PDGFD: variants seen among roughly 807,000 people sequenced by gnomAD.
PDGFD encodes platelet-derived growth factor D.
Under a neutral mutation model 44.7 loss-of-function variants are expected in PDGFD, and 30 were observed. The ratio of observed to expected loss-of-function variants is 0.67; its 90% CI spans 0.50 to 0.91. The LOEUF (loss-of-function observed/expected upper bound fraction) is 0.91. Ranked by LOEUF, PDGFD falls within the 40% of genes least tolerant of loss-of-function variation. The pLI is 0.00. For missense variants in PDGFD, 445 were observed against 457.8 expected (o/e 0.97, Z 0.25); for synonymous variants, 173 against 168.4 (o/e 1.03, Z -0.21).
At chr11:104,014,294 G>T (rs1473375455) in intron 1 of PDGFD, among the ~76,000 whole-genome samples, 1 of 152,260 alleles carries the variant, frequency 6.6e-6, no homozygotes, top group Admixed American at 6.5e-5. Flanking sequence ...CTAGGAGTTC[G>T]AGACTAGCCT....
At position 104,094,189 on chromosome 11, in the gene PDGFD, C is replaced by T. The variant is rs148512011; in HGVS notation, c.124+69615G>A. On this transcript the variant is annotated intron_variant, in intron 1 of 6. Transcript: ENST00000393158. Reference sequence around the variant, plus strand: ...CTCTCTATCTTGATACCCTAGCTTTCGTGGCCATCGTATCAGCACATCTTC... The same window carrying T: ...CTCTCTATCTTGATACCCTAGCTTTTGTGGCCATCGTATCAGCACATCTTC... Among the ~76,000 whole-genome samples, 983 of 152,098 alleles carry T rather than the reference C, an allele frequency of 6.5e-3. 5 individuals are homozygous for T. Among genetic ancestry groups the T allele is most frequent in the African/African-American group, 0.022 (912 of 41,482 alleles).
chr11:103,956,806 T>C (rs1031866103), intron 3 of PDGFD, among the ~76,000 whole-genome samples: 3 of 152,326 alleles, frequency 2.0e-5, no homozygotes, highest in South Asian at 2.1e-4. Context: ...ATTTCTCTGA[T>C]GGCCAGTGAT....
At chr11:103,927,718 G>C (rs1276804705) in intron 5 of PDGFD, among the ~76,000 whole-genome samples, 2 of 152,138 alleles carry the variant, frequency 1.3e-5, no homozygotes, top group African/African-American at 4.8e-5. Context: ...TTGTGCACTG[G>C]GTCCTAGATG....
rs1016603868 is a variant in PDGFD at position 104,054,018 on chromosome 11, C to G, written c.125-53763G>C. On this transcript the variant is annotated intron_variant, in intron 1 of 6. Transcript: ENST00000393158. ...AACAAAGAGGCATGTCATTTTTTCC[C>G]AAGATAAACTTGCTGGAAGCCCACA... is the stretch of plus-strand genomic sequence containing the variant. Among the ~76,000 whole-genome samples the G allele has an allele frequency of 1.3e-5, 2 of 152,106 alleles. 1 individual carries two copies. Among genetic ancestry groups the G allele is most frequent in the Admixed American group, 1.3e-4 (2 of 15,278 alleles).
chr11:104,110,336 T>TA (rs901004408), intron 1 of PDGFD, among the ~76,000 whole-genome samples: 14 of 149,388 alleles, frequency 9.4e-5, no homozygotes, highest in Admixed American at 2.7e-4. Context: ...AATTGAGATT[T>TA]AAAAAAAAAA....
intron 1 of PDGFD, chr11:104,036,480 T>G: frequency 7.3e-6 from 2 of 274,838 alleles, no homozygotes; most frequent in Non-Finnish European, 1.4e-5. Flanking sequence ...TTTCATATCA[T>G]GTGTTAAATA....
intron 1 of PDGFD, among the ~76,000 whole-genome samples, chr11:104,047,852 G>A (rs193056172): frequency 2.6e-5 from 4 of 152,036 alleles, no homozygotes; most frequent in Admixed American, 2.0e-4. Flanking sequence ...TCCTTTAGTC[G>A]AGCCACCATG....
intron 3 of PDGFD, among the ~76,000 whole-genome samples, chr11:103,953,064 T>C (rs969917255): frequency 1.3e-5 from 2 of 152,142 alleles, no homozygotes; most frequent in African/African-American, 4.8e-5. Flanking sequence ...TATGTAAGTG[T>C]AGTGTGGAAG....
At chr11:104,095,398 C>G (rs1208793508) in intron 1 of PDGFD, among the ~76,000 whole-genome samples, 1 of 152,050 alleles carries the variant, frequency 6.6e-6, no homozygotes, top group East Asian at 1.9e-4. Context: ...ACCACTCATT[C>G]CACTGAAGTA....
intron 1 of PDGFD, among the ~76,000 whole-genome samples, chr11:104,079,506 G>C (rs942439966): frequency 2.0e-5 from 3 of 152,074 alleles, no homozygotes; most frequent in Admixed American, 6.6e-5. Flanking sequence ...TCCTGCCTCA[G>C]CCTCCCAAGT....
At chr11:104,090,420 G>C (rs1478948729) in intron 1 of PDGFD, among the ~76,000 whole-genome samples, 1 of 149,892 alleles carries the variant, frequency 6.7e-6, no homozygotes, top group East Asian at 2.0e-4. Flanking sequence ...AGGAGTTCAA[G>C]ACCAGCCTGA....
chr11:104,018,333 A>T (rs1256904155), intron 1 of PDGFD, among the ~76,000 whole-genome samples: 1 of 152,188 alleles, frequency 6.6e-6, no homozygotes, highest in Non-Finnish European at 1.5e-5. Flanking sequence ...AGTAAACAGA[A>T]CTGAAGAAGT....
chr11:104,134,576 G>T (rs1344334717), intron 1 of PDGFD, among the ~76,000 whole-genome samples: 1 of 152,152 alleles, frequency 6.6e-6, no homozygotes, highest in Non-Finnish European at 1.5e-5. Context: ...ATCCACTCAT[G>T]CACTCACTCA....
intron 3 of PDGFD, among the ~76,000 whole-genome samples, chr11:103,966,416 TC>T (rs1859021086): frequency 1.3e-5 from 2 of 152,158 alleles, no homozygotes; most frequent in African/African-American, 2.4e-5. Context: ...AAGAAAAACA[TC>T]CCCAATAGTC....
intron 1 of PDGFD, among the ~76,000 whole-genome samples, chr11:104,113,590 T>G (rs930601496): frequency 1.9e-5 from 2 of 106,404 alleles, no homozygotes; most frequent in African/African-American, 7.7e-5. Context: ...AACTGCAGTG[T>G]TTTTTTTTTT....
chr11:104,062,652 G>A (rs913155163), intron 1 of PDGFD, among the ~76,000 whole-genome samples: 4 of 152,136 alleles, frequency 2.6e-5, no homozygotes, highest in South Asian at 4.1e-4. Context: ...GACATACAAA[G>A]AGAATACATT....
rs373177569 is a variant in PDGFD, at chr11:103,982,540, C to T, written c.510+13525G>A. On this transcript the variant is annotated intron_variant, in intron 3 of 6. Transcript: ENST00000393158. ...GATGCCCTCTCTCATCACTCCGATT[C>T]AATATAGTATTGAAATTCTGGCCAG... Among the ~76,000 whole-genome samples the T allele has an allele frequency of 2.0e-4, 31 of 151,692 alleles. No individual in the cohort carries two copies. The South Asian group carries it at 6.4e-3, about 32-fold the overall frequency.
chr11:104,120,105 G>A (rs1861750823), intron 1 of PDGFD, among the ~76,000 whole-genome samples: 1 of 149,940 alleles, frequency 6.7e-6, no homozygotes, highest in South Asian at 2.1e-4. Context: ...GGAAAGTCAA[G>A]GCTGACTTAT....
intron 3 of PDGFD, among the ~76,000 whole-genome samples, chr11:103,983,553 G>A (rs1565302369): frequency 6.6e-6 from 1 of 151,830 alleles, no homozygotes. Flanking sequence ...TGCAACAAAT[G>A]CAAACATTGG....
Sources: gnomAD v4.1 joint callset for allele counts (sites outside exome capture counted in the v4.1 genomes callset) on GRCh38, gnomAD v4.1.1 for gene constraint, MANE v1.5 for transcripts, NCBI Gene and HGNC (gene_info 2026-07-23, HGNC 2026-07-21) for gene names.